Variants in PKHD1L1 observed in about 807,000 individuals in gnomAD.
PKHD1L1 encodes PKHD1 like 1, also known as fibrocystin-L.
In PKHD1L1, 434 loss-of-function variants were observed where a neutral mutation model predicts 462.9. The observed-to-expected ratio is 0.94, with a 90% CI of 0.87 to 1.02. PKHD1L1 has a LOEUF of 1.02. PKHD1L1 is among the 50% of genes least tolerant of loss of function. The pLI, the probability that PKHD1L1 is intolerant of heterozygous loss-of-function variation, is 0.00. For missense variants in PKHD1L1, 5,202 were observed against 5,096.1 expected (o/e 1.02, Z -0.63); for synonymous variants, 1,781 against 1,750.0 (o/e 1.02, Z -0.44).
At chr8:109,484,097 T>C (rs1370427410) in intron 57 of PKHD1L1, among the ~76,000 whole-genome samples, 3 of 151,862 alleles carry the variant, frequency 2.0e-5, no homozygotes, top group Non-Finnish European at 2.9e-5. Context: ...ATGCAAATCA[T>C]CAAAACATAT....
chr8:109,443,655 G>A lies in PKHD1L1; in HGVS notation c.4565-21G>A, dbSNP rs767532074. The A allele has an allele frequency of 4.5e-6, 7 of 1,568,020 alleles. No homozygotes were observed. In the South Asian group the frequency reaches 5.8e-5, roughly 13 times the overall value. Reference sequence around the variant, plus strand: ...TTTGGAATGTTATTCATGACTTAACGGGCAGTTCTTTTGTCTAAAGGAGGA... The same window carrying A: ...TTTGGAATGTTATTCATGACTTAACAGGCAGTTCTTTTGTCTAAAGGAGGA... On this transcript the variant is annotated intron_variant, in intron 36 of 77. Coordinates refer to ENST00000378402, the MANE Select transcript of PKHD1L1 (RefSeq NM_177531.6).
rs780025206 is a variant in PKHD1L1, at chr8:109,508,210, C to A, written c.11341C>A (p.Arg3781=). 6.2e-7 allele frequency: 1 copy of A among 1,613,226 alleles called. No individual in the cohort carries two copies. The highest frequency in any genetic ancestry group is 1.3e-5 in the African/African-American group (1 of 74,990). The part of the protein sequence containing the change: ...IESLDPDTET[R]RLSPVAIMGN... ...AAGTCTGGATCCTGACACAGAAACTCGAAGACTTTCCCCAGTGGCTATAAT... is the reference window on the plus strand; with the variant it reads ...AAGTCTGGATCCTGACACAGAAACTAGAAGACTTTCCCCAGTGGCTATAAT... Residue 3781 remains arginine (R), a synonymous_variant, in exon 70 of 78, where the codon CGA becomes AGA. Coordinates refer to ENST00000378402, the MANE Select transcript of PKHD1L1 (RefSeq NM_177531.6).
At chr8:109,500,673 CAA>C (rs34827783) in intron 67 of PKHD1L1, among the ~76,000 whole-genome samples, 307 of 47,184 alleles carry the variant, frequency 6.5e-3, no homozygotes, top group Middle Eastern at 0.029. Flanking sequence ...AACTCTGTCT[CAA>C]AAAAAAAAAA....
intron 8 of PKHD1L1, among the ~76,000 whole-genome samples, chr8:109,389,801 TACAGGGGTGAGCCA>T (rs1303352865): frequency 6.6e-6 from 1 of 152,146 alleles, no homozygotes; most frequent in Non-Finnish European, 1.5e-5. Context: ...GTGCTGGGAT[TACAGGGGTGAGCCA>T]ACGCGCCTGG....
At chr8:109,424,986 C>T (rs2130664325) in intron 23 of PKHD1L1, 99 bp from the exon 24 acceptor site, 3 of 1,007,272 alleles carry the variant, frequency 3.0e-6, no homozygotes, top group South Asian at 2.0e-5. Context: ...ACATGAGGCT[C>T]ATTTATGTCA....
intron 20 of PKHD1L1, among the ~76,000 whole-genome samples, chr8:109,412,860 A>G (rs941985484): frequency 2.0e-5 from 3 of 152,084 alleles, no homozygotes; most frequent in African/African-American, 7.2e-5. Flanking sequence ...AACACTGTTA[A>G]TCATAGATTC....
chr8:109,412,169 G>T, intron 19 of PKHD1L1, 96 bp from the exon 20 acceptor site: 2 of 1,230,172 alleles, frequency 1.6e-6, no homozygotes, highest in South Asian at 1.5e-5. Context: ...GAAACAATGG[G>T]ATCTGGGTTG....
chr8:109,468,530 G>A (rs540586193), intron 50 of PKHD1L1, among the ~76,000 whole-genome samples: 12 of 152,164 alleles, frequency 7.9e-5, no homozygotes, highest in Non-Finnish European at 1.8e-4. Context: ...AATGGAATTA[G>A]TTGCAATACT....
At chr8:109,497,716 G>A (rs1243183242) in intron 65 of PKHD1L1, among the ~76,000 whole-genome samples, 3 of 151,960 alleles carry the variant, frequency 2.0e-5, no homozygotes, top group Admixed American at 2.0e-4. Flanking sequence ...GTGAGCCACC[G>A]CACCCAACAA....
chr8:109,366,778 C>A (rs2130305291), intron 2 of PKHD1L1, among the ~76,000 whole-genome samples: 1 of 150,998 alleles, frequency 6.6e-6, no homozygotes, highest in South Asian at 2.1e-4. Flanking sequence ...CCACAACATC[C>A]ACCTCCCAAG....
intron 50 of PKHD1L1, among the ~76,000 whole-genome samples, chr8:109,467,771 T>C (rs1817526404): frequency 6.6e-6 from 1 of 152,190 alleles, no homozygotes; most frequent in Non-Finnish European, 1.5e-5. Context: ...ATCAAAGATT[T>C]GCTAAACAAA....
intron 23 of PKHD1L1, among the ~76,000 whole-genome samples, chr8:109,420,973 A>G (rs539702139): frequency 2.0e-5 from 3 of 152,264 alleles, no homozygotes; most frequent in South Asian, 2.1e-4. Context: ...GTCTCTTCCA[A>G]TAAACATCCT....
chr8:109,480,587 C>T (rs757650747), intron 55 of PKHD1L1: 46 of 455,358 alleles, frequency 1.0e-4, no homozygotes, highest in South Asian at 4.8e-4. Context: ...TACAGTTATT[C>T]GGAACAATCC....
rs756065584 is a variant in PKHD1L1 at position 109,464,343 on chromosome 8, C to T, written c.7511C>T (p.Thr2504Ile). 3.7e-6 allele frequency: 6 copies of T among 1,613,228 alleles called. No homozygotes were observed. The highest frequency in any genetic ancestry group is 4.2e-6 in the Non-Finnish European group (5 of 1,179,516). The change falls in exon 49 of 78, where the codon ACT becomes ATT. Residue 2504 changes from threonine to isoleucine, a missense_variant. By Grantham distance (89) the Thr-to-Ile change is moderately conservative. Transcript: ENST00000378402. The part of the protein sequence containing the change: ...AIHQAYNRAV[T>I]IHNTHHLLVE... ...CACCAGGCCTATAACAGAGCTGTTA[C>T]TATTCATAACACACACCATCTTCTG... is the stretch of plus-strand genomic sequence containing the variant.
chr8:109,504,471 T>G lies in PKHD1L1; in HGVS notation c.10973T>G (p.Phe3658Cys), dbSNP rs1819592450. Residue 3658 changes from phenylalanine (F) to cysteine (C), a missense_variant, in exon 68 of 78, where the codon TTT becomes TGT. Physicochemically the swap from Phe to Cys is radical, Grantham distance 205. Coordinates refer to ENST00000378402, the MANE Select transcript of PKHD1L1 (RefSeq NM_177531.6). The part of the protein sequence containing the change: ...LVDTTEQSKI[F>C]IHRPDISKVN... ...GATACCACTGAACAATCAAAAATAT[T>G]TATACATAGGCCTGATATAAGGTAA... The G allele has an allele frequency of 1.3e-6, 2 of 1,530,582 alleles. No individual in the cohort carries two copies. The highest frequency in any genetic ancestry group is 1.8e-6 in the Non-Finnish European group (2 of 1,135,172). 94.8% of individuals were successfully genotyped at this position (1,530,582 alleles called of 1,614,324 possible). A position where few individuals can be genotyped will look rare whatever the true frequency, so the allele number is the denominator to read the frequency against.
At chr8:109,517,963 G>A (rs1042698454) in intron 72 of PKHD1L1, among the ~76,000 whole-genome samples, 1 of 152,012 alleles carries the variant, frequency 6.6e-6, no homozygotes, top group Admixed American at 6.6e-5. Context: ...ATGATTATTT[G>A]TGGTATTTTT....
chr8:109,385,036 C>A (rs1391628993), intron 5 of PKHD1L1, among the ~76,000 whole-genome samples: 3 of 151,642 alleles, frequency 2.0e-5, no homozygotes, highest in African/African-American at 7.3e-5. Context: ...ATCAGACAAC[C>A]TTTTATTTTT....
At chr8:109,445,757 C>G (rs1816102839) in intron 38 of PKHD1L1, 112 bp downstream of exon 38, 1 of 1,131,992 alleles carries the variant, frequency 8.8e-7, no homozygotes, top group East Asian at 2.6e-5. Flanking sequence ...ATAAATGTTC[C>G]CACTTACACT....
chr8:109,531,947 T>C lies in PKHD1L1; in HGVS notation c.*1857T>C, dbSNP rs992777594. The stretch of plus-strand genomic sequence containing the variant: ...TAAGGCAAATCTAGTTTACTGTTCA[T>C]TCCGTGATACTTCCTTTCTGTTGGA... On this transcript the variant is annotated 3_prime_UTR_variant, in exon 78 of 78. Coordinates refer to ENST00000378402, the MANE Select transcript of PKHD1L1 (RefSeq NM_177531.6). Among the ~76,000 whole-genome samples the C allele has an allele frequency of 6.6e-6, 1 of 152,236 alleles. No individual in the cohort carries two copies. Among genetic ancestry groups the C allele is most frequent in the Non-Finnish European group, 1.5e-5 (1 of 68,048 alleles).
Sources: gnomAD v4.1 joint callset for allele counts (sites outside exome capture counted in the v4.1 genomes callset) on GRCh38, gnomAD v4.1.1 for gene constraint, MANE v1.5 for transcripts, NCBI Gene and HGNC (gene_info 2026-07-23, HGNC 2026-07-21) for gene names.